The following SPOCK1 variants were observed in gnomAD, a reference collection of about 807,000 sequenced individuals.
The protein encoded by SPOCK1 is SPARC (osteonectin), cwcv and kazal like domains proteoglycan 1.
SPOCK1 carries 23 observed loss-of-function variants against 55.3 expected under a neutral mutation model. The ratio of observed to expected loss-of-function variants is 0.42; its 90% CI spans 0.30 to 0.59. The LOEUF is 0.59. Ranked by LOEUF, SPOCK1 falls within the 20% of genes least tolerant of loss-of-function variation. The pLI, the probability that SPOCK1 is intolerant of heterozygous loss-of-function variation, is 0.22. For synonymous variants in SPOCK1, 226 were observed against 221.0 expected (o/e 1.02, Z -0.20); for missense variants, 499 against 552.5 (o/e 0.90, Z 0.97).
At chr5:137,482,662 G>A (rs547013653) in intron 2 of SPOCK1, among the ~76,000 whole-genome samples, 2 of 152,230 alleles carry the variant, frequency 1.3e-5, no homozygotes, top group South Asian at 2.1e-4. Flanking sequence ...TCAGGGGACC[G>A]GGTCATTAAA....
At chr5:137,160,571 T>TTA (rs1554100830) in intron 3 of SPOCK1, among the ~76,000 whole-genome samples, 5 of 53,870 alleles carry the variant, frequency 9.3e-5, no homozygotes, top group Admixed American at 2.9e-4. Context: ...ATATTATATA[T>TTA]TATATAATAT....
chr5:137,097,014 A>G (rs1248676749), intron 5 of SPOCK1, among the ~76,000 whole-genome samples: 1 of 152,194 alleles, frequency 6.6e-6, no homozygotes, highest in Non-Finnish European at 1.5e-5. Flanking sequence ...AGTAGCACCC[A>G]TCTTTCGAGA....
chr5:137,097,335 C>T (rs1035618970), intron 5 of SPOCK1, among the ~76,000 whole-genome samples: 25 of 152,310 alleles, frequency 1.6e-4, no homozygotes, highest in African/African-American at 5.5e-4. Flanking sequence ...GAGAAGGTTC[C>T]AGTACAGTCA....
chr5:137,158,068 AAAAAAG>A, intron 3 of SPOCK1, among the ~76,000 whole-genome samples: 1 of 152,188 alleles, frequency 6.6e-6, no homozygotes, highest in South Asian at 2.1e-4. Context: ...ATCCCCCCAA[AAAAAAG>A]AAAACTTGCC....
intron 3 of SPOCK1, among the ~76,000 whole-genome samples, chr5:137,204,919 G>A (rs563297963): frequency 8.4e-4 from 128 of 152,184 alleles, no homozygotes; most frequent in African/African-American, 2.3e-3. Context: ...AAGTTGTTTC[G>A]TCTGCATGAA....
At chr5:137,193,778 T>C (rs1685204746) in intron 3 of SPOCK1, among the ~76,000 whole-genome samples, 3 of 152,178 alleles carry the variant, frequency 2.0e-5, no homozygotes, top group African/African-American at 7.2e-5. Context: ...TAGCTCAATA[T>C]AGCTTTGGGG....
intron 3 of SPOCK1, among the ~76,000 whole-genome samples, chr5:137,147,554 T>C (rs1754221644): frequency 6.6e-6 from 1 of 152,196 alleles, no homozygotes; most frequent in African/African-American, 2.4e-5. Context: ...CGTCCTTACA[T>C]GGTCTTTCCT....
chr5:137,355,427 G>A (rs1209488870), intron 2 of SPOCK1, among the ~76,000 whole-genome samples: 1 of 152,094 alleles, frequency 6.6e-6, no homozygotes, highest in Non-Finnish European at 1.5e-5. Flanking sequence ...GGCCTCAAGT[G>A]ATCCTCCCAC....
chr5:137,044,314 A>C (rs1752061956), intron 6 of SPOCK1, among the ~76,000 whole-genome samples: 1 of 152,220 alleles, frequency 6.6e-6, no homozygotes, highest in African/African-American at 2.4e-5. Flanking sequence ...TTACCATAGC[A>C]GGGACTTCTT....
intron 2 of SPOCK1, among the ~76,000 whole-genome samples, chr5:137,483,795 C>A (rs889334274): frequency 1.3e-5 from 2 of 152,124 alleles, no homozygotes; most frequent in Non-Finnish European, 1.5e-5. Flanking sequence ...TCTTCTGGGG[C>A]AAAATCTCCT....
chr5:137,020,333 CT>C (rs1213266827), intron 6 of SPOCK1, among the ~76,000 whole-genome samples: 1 of 151,694 alleles, frequency 6.6e-6, no homozygotes, highest in Non-Finnish European at 1.5e-5. Flanking sequence ...TATTATCAGA[CT>C]TTTAATATCA....
chr5:137,104,772 A>G (rs1753333372), intron 5 of SPOCK1, among the ~76,000 whole-genome samples: 1 of 152,130 alleles, frequency 6.6e-6, no homozygotes, highest in Non-Finnish European at 1.5e-5. Flanking sequence ...TAGGAAAACA[A>G]GCTCGGGGCT....
intron 6 of SPOCK1, among the ~76,000 whole-genome samples, chr5:137,025,725 G>A (rs1580713513): frequency 6.6e-6 from 1 of 152,102 alleles, no homozygotes; most frequent in Non-Finnish European, 1.5e-5. Flanking sequence ...ATCTAAAACT[G>A]AATGAAAAGT....
chr5:137,416,595 G>A (rs1445469670), intron 2 of SPOCK1, among the ~76,000 whole-genome samples: 4 of 152,126 alleles, frequency 2.6e-5, no homozygotes, highest in Admixed American at 2.6e-4. Context: ...CATAAAACTG[G>A]GGGAAATAAA....
intron 3 of SPOCK1, among the ~76,000 whole-genome samples, chr5:137,153,281 A>G (rs1487523624): frequency 2.0e-5 from 3 of 152,192 alleles, no homozygotes; most frequent in Non-Finnish European, 4.4e-5. Flanking sequence ...ATAACTTAAG[A>G]TTTCCAGGTC....
chr5:137,046,270 C>A (rs1306368755), intron 6 of SPOCK1, among the ~76,000 whole-genome samples: 1 of 114,658 alleles, frequency 8.7e-6, no homozygotes, highest in African/African-American at 3.2e-5. Context: ...ATTCTTCCTA[C>A]CCATGAGCAT....
intron 6 of SPOCK1, among the ~76,000 whole-genome samples, chr5:137,031,578 T>C (rs1487063230): frequency 6.6e-6 from 1 of 152,256 alleles, no homozygotes; most frequent in East Asian, 1.9e-4. Flanking sequence ...TTGTAAATTA[T>C]ACGTGGCATA....
At chr5:137,059,305 A>AAT (rs1367912291) in intron 6 of SPOCK1, among the ~76,000 whole-genome samples, 1 of 152,358 alleles carries the variant, frequency 6.6e-6, no homozygotes, top group East Asian at 1.9e-4. Context: ...CTTACGTGAA[A>AAT]ATATATGTAT....
intron 2 of SPOCK1, among the ~76,000 whole-genome samples, chr5:137,286,823 A>G (rs1757276181): frequency 6.6e-6 from 1 of 152,224 alleles, no homozygotes; most frequent in Non-Finnish European, 1.5e-5. Context: ...CCACTGTTTC[A>G]CACACAGTAT....
Sources: allele counts gnomAD v4.1 joint callset (sites outside exome capture counted in the v4.1 genomes callset), GRCh38; gene constraint gnomAD v4.1.1; transcripts MANE v1.5; gene names NCBI Gene and HGNC (gene_info 2026-07-23, HGNC 2026-07-21).